ASCC3: variants seen among roughly 807,000 people sequenced by gnomAD.
The protein encoded by ASCC3 is activating signal cointegrator 1 complex subunit 3.
Under a neutral mutation model 256.3 loss-of-function variants are expected in ASCC3, and 158 were observed. The ratio of observed to expected loss-of-function variants is 0.62; its 90% CI spans 0.54 to 0.70. The LOEUF is 0.70. Among genes scored for constraint, ASCC3 ranks in the 30% least tolerant of loss-of-function variants. The pLI, the probability that ASCC3 is intolerant of heterozygous loss-of-function variation, is 0.00. For missense variants in ASCC3, 2,259 were observed against 2,626.0 expected, an observed-to-expected ratio of 0.86 and a Z score of 3.05; for synonymous variants, 948 against 883.4, an observed-to-expected ratio of 1.07 and a Z score of -1.30.
intron 4 of ASCC3, among the ~76,000 whole-genome samples, chr6:100,828,296 T>A: frequency 6.6e-6 from 1 of 152,202 alleles, no homozygotes; most frequent in East Asian, 1.9e-4. Flanking sequence ...ATTACAGTAG[T>A]TCCCCTTTAT....
At chr6:100,800,721 T>C (rs1217060294) in intron 5 of ASCC3, among the ~76,000 whole-genome samples, 3 of 151,982 alleles carry the variant, frequency 2.0e-5, no homozygotes, top group Non-Finnish European at 4.4e-5. Context: ...AGCAGTATTT[T>C]CTTCCTACAG....
intron 4 of ASCC3, among the ~76,000 whole-genome samples, chr6:100,814,615 CA>C (rs1195258573): frequency 6.6e-6 from 1 of 152,062 alleles, no homozygotes; most frequent in Non-Finnish European, 1.5e-5. Context: ...GATTGAATTT[CA>C]AAGCTCATTA....
intron 36 of ASCC3, among the ~76,000 whole-genome samples, chr6:100,567,179 C>T (rs1218686746): frequency 6.6e-6 from 1 of 151,872 alleles, no homozygotes; most frequent in East Asian, 1.9e-4. Flanking sequence ...CTTTAAAATT[C>T]CACCACTCAG....
intron 9 of ASCC3, 138 bp from the exon 10 acceptor site, chr6:100,766,843 T>C: frequency 9.5e-7 from 1 of 1,053,720 alleles, no homozygotes; most frequent in Non-Finnish European, 1.4e-6. Context: ...TAGTGATATA[T>C]TAAAAGTCTT....
At chr6:100,856,420 T>C (rs1772942762) in intron 3 of ASCC3, 2 of 982,566 alleles carry the variant, frequency 2.0e-6, no homozygotes, top group South Asian at 4.7e-5. Context: ...TACACAAGCA[T>C]GTGTTACTTA....
rs542719407 is a variant in ASCC3 at position 100,600,140 on chromosome 6, T to C, written c.5303+1670A>G. 9.3e-4 allele frequency among the ~76,000 whole-genome samples: 142 copies of C among 152,002 alleles called. 1 individual carries two copies. Among genetic ancestry groups the C allele is most frequent in the Admixed American group, 4.3e-3 (66 of 15,242 alleles). Reference sequence around the variant, plus strand: ...GTCACACTAAATGCCTTGATTCTTATGTAATAGAAATGATAAATATATCTA... The same window carrying C: ...GTCACACTAAATGCCTTGATTCTTACGTAATAGAAATGATAAATATATCTA... On this transcript the variant is annotated intron_variant, in intron 34 of 41. Coordinates refer to ENST00000369162, the MANE Select transcript of ASCC3 (RefSeq NM_006828.4).
intron 4 of ASCC3, among the ~76,000 whole-genome samples, chr6:100,833,666 AT>A (rs1771730781): frequency 6.6e-6 from 1 of 152,218 alleles, no homozygotes; most frequent in African/African-American, 2.4e-5. Context: ...CAAGAAAAAA[AT>A]AATTGTAAAG....
Position 100,848,477 on chromosome 6 carries a change from C to T in ASCC3, c.472G>A (p.Gly158Ser), listed in dbSNP as rs1413028412. Residue 158 changes from glycine (G) to serine (S), a missense_variant, in exon 4 of 42, where the codon GGC becomes AGC. Around this residue, in one of 2 missense-constraint regions of ASCC3, gnomAD observed 420 missense variants for 419.3 expected, o/e 1.00. Coordinates refer to ENST00000369162, the MANE Select transcript of ASCC3 (RefSeq NM_006828.4). ...ALVQMTEKEHGDRVFFGKNLA... is the reference protein window; with the variant it reads ...ALVQMTEKEHSDRVFFGKNLA... ...TTTTTACCAAAAAAAACCCTATCGCCATGTTCTTTTTCTGTCATCTGCACA... is the reference window on the plus strand; with the variant it reads ...TTTTTACCAAAAAAAACCCTATCGCTATGTTCTTTTTCTGTCATCTGCACA... The T allele has an allele frequency of 6.2e-6, 10 of 1,613,138 alleles. No homozygotes were observed. The highest frequency in any genetic ancestry group is 8.5e-6 in the Non-Finnish European group (10 of 1,179,456).
intron 8 of ASCC3, among the ~76,000 whole-genome samples, chr6:100,767,616 G>GT (rs35868621): frequency 4.0e-5 from 6 of 150,296 alleles, no homozygotes; most frequent in African/African-American, 1.5e-4. Context: ...GGTTTTTTTG[G>GT]TTTTTTTTTT....
chr6:100,566,282 T>C (rs1274358313), intron 36 of ASCC3, among the ~76,000 whole-genome samples: 1 of 152,178 alleles, frequency 6.6e-6, no homozygotes, highest in Non-Finnish European at 1.5e-5. Flanking sequence ...CACACATTTT[T>C]TAATGAATAA....
intron 10 of ASCC3, among the ~76,000 whole-genome samples, chr6:100,763,847 C>T (rs1781523772): frequency 6.6e-6 from 1 of 152,200 alleles, no homozygotes; most frequent in South Asian, 2.1e-4. Context: ...ATCAGTGATG[C>T]TAAGCCGTGC....
At chr6:100,606,885 A>G in intron 31 of ASCC3, 25 bp from the exon 32 acceptor site, 1 of 1,605,562 alleles carries the variant, frequency 6.2e-7, no homozygotes. Flanking sequence ...AAAATATCTT[A>G]TATCTAAGTA....
intron 1 of ASCC3, among the ~76,000 whole-genome samples, chr6:100,871,255 C>G (rs1285206945): frequency 6.6e-6 from 1 of 152,074 alleles, no homozygotes; most frequent in Non-Finnish European, 1.5e-5. Flanking sequence ...ACCACCACGC[C>G]CGGCTAATTT....
At chr6:100,556,447 T>A (rs190421165) in intron 36 of ASCC3, among the ~76,000 whole-genome samples, 1 of 152,172 alleles carries the variant, frequency 6.6e-6, no homozygotes, top group African/African-American at 2.4e-5. Context: ...GAATGTCAGA[T>A]ACATTGTCCA....
chr6:100,796,482 T>C (rs978876837), intron 8 of ASCC3, among the ~76,000 whole-genome samples: 4 of 152,282 alleles, frequency 2.6e-5, no homozygotes, highest in Non-Finnish European at 2.9e-5. Flanking sequence ...TGTGACTGTT[T>C]TAAAGACAGG....
In ASCC3 at chr6:100,629,099, A is replaced by G. The variant is rs1239028017; in HGVS notation, c.4291T>C (p.Trp1431Arg). Residue 1431 changes from tryptophan to arginine, a missense_variant, in exon 27 of 42, where the codon TGG (tryptophan) becomes CGG (arginine). Transcript: ENST00000369162. ...ADLIVTTPEKWDGVSRSWQNR... is the reference protein window; with the variant it reads ...ADLIVTTPEKRDGVSRSWQNR... ...TGCCAGCTTCTGCTGACTCCATCCC[A>G]CTTCTCTGGCGTAGTGACGATAAGG... The G allele has an allele frequency of 4.3e-6, 7 of 1,613,682 alleles. No homozygotes were observed. The highest frequency in any genetic ancestry group is 5.1e-6 in the Non-Finnish European group (6 of 1,179,870).
chr6:100,724,681 G>A (rs1779541205), intron 11 of ASCC3, among the ~76,000 whole-genome samples: 1 of 151,780 alleles, frequency 6.6e-6, no homozygotes, highest in East Asian at 1.9e-4. Flanking sequence ...AGGGAGAGGA[G>A]GGAAAAGGAA....
intron 6 of ASCC3, among the ~76,000 whole-genome samples, 178 bp downstream of exon 6, chr6:100,800,122 G>C (rs1769836356): frequency 1.3e-5 from 2 of 151,958 alleles, no homozygotes; most frequent in Admixed American, 6.6e-5. Flanking sequence ...TAATTAAGCA[G>C]ACAGACCATT....
rs549220755 is a variant in ASCC3, at chr6:100,563,388, T to A, written c.5551-23001A>T. 5.9e-5 allele frequency among the ~76,000 whole-genome samples: 9 copies of A among 152,316 alleles called. No individual in the cohort carries two copies. The South Asian group carries it at 1.9e-3, about 32-fold the overall frequency. Reference sequence around the variant, plus strand: ...TTTGGCGTATACTATAGAATTAGAATCTAACTTGAATATTTTTCCAAAAAG... The same window carrying A: ...TTTGGCGTATACTATAGAATTAGAAACTAACTTGAATATTTTTCCAAAAAG... On this transcript the variant is annotated intron_variant, in intron 36 of 41. Coordinates refer to ENST00000369162, the MANE Select transcript of ASCC3 (RefSeq NM_006828.4).
Sources: allele counts gnomAD v4.1 joint callset (sites outside exome capture counted in the v4.1 genomes callset), GRCh38; gene constraint gnomAD v4.1.1; regional missense constraint gnomAD v4.1.1; transcripts MANE v1.5; gene names NCBI Gene and HGNC (gene_info 2026-07-23, HGNC 2026-07-21).